The following PRIMPOL variants were observed in gnomAD, a reference collection of about 807,000 sequenced individuals.
PRIMPOL encodes primase and DNA directed polymerase, also known as DNA-directed primase/polymerase protein.
PRIMPOL carries 54 observed loss-of-function variants against 63.6 expected under a neutral mutation model. The observed-to-expected ratio is 0.85, with a 90% CI of 0.68 to 1.07. The LOEUF (loss-of-function observed/expected upper bound fraction) is 1.07. PRIMPOL is among the 50% of genes least tolerant of loss of function. The probability of loss-of-function intolerance (pLI) is 0.00; values close to 1 mark genes in which losing one functional copy is unlikely to be tolerated. For synonymous variants in PRIMPOL, 197 were observed against 220.2 expected, an observed-to-expected ratio of 0.89 and a Z score of 0.93; for missense variants, 610 against 648.3, an observed-to-expected ratio of 0.94 and a Z score of 0.64.
intron 2 of PRIMPOL, among the ~76,000 whole-genome samples, chr4:184,652,766 A>G (rs1228967918): frequency 1.3e-5 from 2 of 152,114 alleles, no homozygotes; most frequent in Non-Finnish European, 2.9e-5. Flanking sequence ...TTGGCAGAAA[A>G]TGCAAAATAC....
Position 184,672,182 on chromosome 4 carries a change from T to C in PRIMPOL, c.566T>C (p.Leu189Ser). ...FKDNIHVGNFLRKILQPALDL... is the reference protein window; with the variant it reads ...FKDNIHVGNFSRKILQPALDL... Reference sequence around the variant, plus strand: ...TAGCTTTTTTCCTTAGGTAATTTTTTGAGAAAAATTTTGCAGCCTGCTCTT... The same window carrying C: ...TAGCTTTTTTCCTTAGGTAATTTTTCGAGAAAAATTTTGCAGCCTGCTCTT... Residue 189 changes from leucine (L) to serine (S), a missense_variant, in exon 7 of 14, where the codon TTG (leucine) becomes TCG (serine). Around this residue, in one of 3 missense-constraint regions of PRIMPOL, gnomAD observed 444 missense variants for 456.4 expected, o/e 0.97. Transcript: ENST00000314970. 1 of 1,605,684 alleles carries C rather than the reference T, an allele frequency of 6.2e-7. No individual in the cohort carries two copies. The highest frequency in any genetic ancestry group is 1.1e-5 in the South Asian group (1 of 89,430).
chr4:184,668,860 A>G (rs574945273), intron 6 of PRIMPOL, among the ~76,000 whole-genome samples: 2 of 151,164 alleles, frequency 1.3e-5, no homozygotes, highest in South Asian at 2.1e-4. Flanking sequence ...TAATAAAAAT[A>G]TCATTATCAA....
intron 4 of PRIMPOL, 113 bp downstream of exon 4, chr4:184,659,550 T>C (rs149164197): frequency 2.7e-6 from 2 of 746,632 alleles, no homozygotes; most frequent in East Asian, 2.5e-5. Flanking sequence ...GTGACCACAC[T>C]ATTAGTTGCT....
intron 6 of PRIMPOL, among the ~76,000 whole-genome samples, chr4:184,671,088 G>A (rs1443560423): frequency 6.6e-6 from 1 of 152,192 alleles, no homozygotes; most frequent in African/African-American, 2.4e-5. Flanking sequence ...ATATGTCTGA[G>A]TTTGAAGAAG....
chr4:184,691,690 G>A lies in PRIMPOL; in HGVS notation c.1403G>A (p.Cys468Tyr), dbSNP rs776981101. Residue 468 changes from cysteine (C) to tyrosine (Y), a missense_variant, in exon 13 of 14, where the codon TGT (cysteine) becomes TAT (tyrosine). Cys to Tyr is a radical substitution (Grantham distance 194). This residue lies in a region of PRIMPOL where 444 missense variants were observed against 456.4 expected (regional missense o/e 0.97). Transcript: ENST00000314970. ...GGTTTCCCATTACCTGCTGAAGTAT[G>A]TCTCCTGTTTCTTTTCAAAGAGGTA... ...SDCFPLPAEV[C>Y]LLFLFKEEEE... is the part of the protein sequence containing the mutation. 1.2e-6 allele frequency: 2 copies of A among 1,612,268 alleles called. No homozygotes were observed. The highest frequency in any genetic ancestry group is 1.7e-6 in the Non-Finnish European group (2 of 1,178,786).
intron 6 of PRIMPOL, among the ~76,000 whole-genome samples, chr4:184,670,731 A>G (rs1284180668): frequency 1.3e-5 from 2 of 152,030 alleles, no homozygotes; most frequent in African/African-American, 4.8e-5. Context: ...TATTTTTAGT[A>G]GAGACGCGGT....
At chr4:184,660,204 T>G (rs9997888) in intron 4 of PRIMPOL, among the ~76,000 whole-genome samples, 6,386 of 151,730 alleles carry the variant, frequency 0.042, 437 homozygotes, top group African/African-American at 0.14. Context: ...AAATTTTTTT[T>G]GAGACAGTTT....
Position 184,694,518 on chromosome 4 carries a change from AAAGG to A in PRIMPOL, c.1426_1429del (p.Glu476LysfsTer47). On this transcript the variant is annotated splice_acceptor_variant and splice_polypyrimidine_tract_variant and coding_sequence_variant and intron_variant, in exon 14 of 14. Coordinates refer to ENST00000314970, the MANE Select transcript of PRIMPOL (RefSeq NM_152683.4). LOFTEE classifies it high-confidence loss of function. ...CTCTCTATCCCTTCACCACTGAAAT[AAAGG>A]AAGAAGAGTTTACAACAGATGAAGC... The A allele has an allele frequency of 3.6e-4, 577 of 1,608,610 alleles. 7 individuals carry two copies. In the South Asian group the frequency reaches 4.6e-3, roughly 13 times the overall value.
chr4:184,675,929 C>T (rs191675699), intron 7 of PRIMPOL, among the ~76,000 whole-genome samples: 255 of 152,034 alleles, frequency 1.7e-3, no homozygotes, highest in African/African-American at 5.6e-3. Context: ...GCCTTTGTAC[C>T]CTTAGTTGTG....
At chr4:184,675,143 C>T (rs993091030) in intron 7 of PRIMPOL, among the ~76,000 whole-genome samples, 1 of 152,176 alleles carries the variant, frequency 6.6e-6, no homozygotes, top group Non-Finnish European at 1.5e-5. Flanking sequence ...TACCTGAGCT[C>T]ACCGCAATAG....
rs756582283 is a variant in PRIMPOL at position 184,659,383 on chromosome 4, A to G, written c.224A>G (p.Gln75Arg). ...TTGGAATGCAAAGTAGGAGATGGAC[A>G]ACGTATTTACCTTGTGACAACCTAT... The part of the protein sequence containing the change: ...FALECKVGDG[Q>R]RIYLVTTYAE... The change falls in exon 4 of 14, where the codon CAA becomes CGA. Residue 75 changes from glutamine to arginine, a missense_variant. Around this residue, in one of 3 missense-constraint regions of PRIMPOL, gnomAD observed 159 missense variants for 168.9 expected, o/e 0.94. Coordinates refer to ENST00000314970, the MANE Select transcript of PRIMPOL (RefSeq NM_152683.4). The G allele has an allele frequency of 2.5e-6, 4 of 1,614,060 alleles. No homozygotes were observed. Among genetic ancestry groups the G allele is most frequent in the Non-Finnish European group, 3.4e-6 (4 of 1,179,944 alleles).
chr4:184,656,843 A>ATT (rs1475724953), intron 2 of PRIMPOL, among the ~76,000 whole-genome samples: 3 of 152,194 alleles, frequency 2.0e-5, no homozygotes, highest in African/African-American at 4.8e-5. Flanking sequence ...CCCATTTTTC[A>ATT]GTTGATTAAA....
At chr4:184,654,744 G>A (rs998626206) in intron 2 of PRIMPOL, among the ~76,000 whole-genome samples, 6 of 152,126 alleles carry the variant, frequency 3.9e-5, no homozygotes, top group South Asian at 2.1e-4. Flanking sequence ...GAGCCACCGC[G>A]CCCGGCTGAA....
chr4:184,681,336 G>T (rs565610019), intron 8 of PRIMPOL, among the ~76,000 whole-genome samples: 1 of 151,708 alleles, frequency 6.6e-6, no homozygotes, highest in African/African-American at 2.4e-5. Context: ...TTATATAGTC[G>T]TCTCCTGGTG....
chr4:184,659,277 C>A, intron 3 of PRIMPOL, 63 bp from the exon 4 acceptor site: 2 of 1,170,262 alleles, frequency 1.7e-6, no homozygotes, highest in Non-Finnish European at 2.6e-6. Context: ...CATTCAGTAG[C>A]TACAGTTGAG....
intron 6 of PRIMPOL, among the ~76,000 whole-genome samples, chr4:184,667,630 C>T (rs146738835): frequency 0.013 from 1,944 of 152,000 alleles, 22 homozygotes; most frequent in Non-Finnish European, 0.021. Flanking sequence ...CTTTTAATAA[C>T]GGCCTTACAA....
At chr4:184,664,602 C>T (rs2705879) in intron 5 of PRIMPOL, among the ~76,000 whole-genome samples, 151,864 of 152,330 alleles carry the variant, frequency 1, 75,703 homozygotes, top group Middle Eastern at 1. Context: ...GGGGACGGTA[C>T]GCCCTTTGCC....
chr4:184,687,759 C>G (rs1056815640), intron 11 of PRIMPOL, among the ~76,000 whole-genome samples: 3 of 152,110 alleles, frequency 2.0e-5, no homozygotes, highest in African/African-American at 7.2e-5. Context: ...GGATTACAGG[C>G]ATGCGCCACC....
chr4:184,663,465 A>C (rs1330652386), intron 5 of PRIMPOL, among the ~76,000 whole-genome samples: 1 of 152,258 alleles, frequency 6.6e-6, no homozygotes, highest in African/African-American at 2.4e-5. Context: ...ACTGCCACTT[A>C]ACATTGCATA....
Sources: gnomAD v4.1 joint callset for allele counts (sites outside exome capture counted in the v4.1 genomes callset) on GRCh38, gnomAD v4.1.1 for gene constraint, gnomAD v4.1.1 regional missense constraint, MANE v1.5 for transcripts, NCBI Gene and HGNC (gene_info 2026-07-23, HGNC 2026-07-21) for gene names.